Variants in ABCG2 observed in about 807,000 individuals in gnomAD.
ABCG2 encodes the protein broad substrate specificity ATP-binding cassette transporter ABCG2.
A neutral mutation model predicts 73.5 loss-of-function variants in ABCG2; 80 were observed. That is an observed-to-expected ratio of 1.09 (90% confidence interval 0.91 to 1.31). The LOEUF (loss-of-function observed/expected upper bound fraction) is 1.31, where lower values mean the gene tolerates loss of function less well. Ranked by LOEUF, ABCG2 falls within the 50% of genes most tolerant of loss-of-function variation. The pLI is 0.00. For missense variants in ABCG2, 796 were observed against 786.2 expected (o/e 1.01, Z -0.15); for synonymous variants, 269 against 282.4 (o/e 0.95, Z 0.48).
At chr4:88,138,242 A>T (rs1175496132) in intron 2 of ABCG2, among the ~76,000 whole-genome samples, 1 of 152,222 alleles carries the variant, frequency 6.6e-6, no homozygotes, top group Non-Finnish European at 1.5e-5. Flanking sequence ...ATAACAGGAC[A>T]TCCACATATC....
At chr4:88,202,012 T>G (rs930358503) in intron 1 of ABCG2, among the ~76,000 whole-genome samples, 21 of 152,080 alleles carry the variant, frequency 1.4e-4, no homozygotes, top group African/African-American at 4.6e-4. Context: ...GCTTTGGGAT[T>G]TTTTAAAGCT....
At chr4:88,210,829 T>C (rs993468226) in intron 1 of ABCG2, among the ~76,000 whole-genome samples, 15 of 152,168 alleles carry the variant, frequency 9.9e-5, no homozygotes, top group Admixed American at 9.8e-4. Flanking sequence ...CCCAAAATGC[T>C]GGAATGACAG....
intron 5 of ABCG2, among the ~76,000 whole-genome samples, chr4:88,130,366 C>T (rs966275199): frequency 5.3e-5 from 8 of 151,486 alleles, no homozygotes; most frequent in Non-Finnish European, 1.2e-4. Context: ...GATGTGTCAC[C>T]GTTTCCCATC....
chr4:88,210,619 A>T (rs1285237765), intron 1 of ABCG2, among the ~76,000 whole-genome samples: 9 of 146,916 alleles, frequency 6.1e-5, no homozygotes, highest in African/African-American at 1.5e-4. Flanking sequence ...AAGAGATGGG[A>T]TCTTGCTCTG....
chr4:88,156,891 G>T (rs980807431), intron 1 of ABCG2, among the ~76,000 whole-genome samples: 1 of 152,110 alleles, frequency 6.6e-6, no homozygotes, highest in Admixed American at 6.5e-5. Context: ...GATCACTAGA[G>T]GTCAGGAGTT....
intron 11 of ABCG2, among the ~76,000 whole-genome samples, chr4:88,100,337 T>G (rs1387245184): frequency 1.3e-5 from 2 of 151,728 alleles, no homozygotes; most frequent in Non-Finnish European, 2.9e-5. Context: ...CCATCTCTAC[T>G]AAAAATACCA....
chr4:88,127,667 C>T (rs559503829), intron 5 of ABCG2, among the ~76,000 whole-genome samples: 18 of 152,080 alleles, frequency 1.2e-4, no homozygotes, highest in Admixed American at 2.6e-4. Flanking sequence ...AAACAAGCAA[C>T]GGGGAAAGGA....
At chr4:88,106,967 G>A (rs910405935) in intron 10 of ABCG2, among the ~76,000 whole-genome samples, 4 of 152,122 alleles carry the variant, frequency 2.6e-5, no homozygotes, top group East Asian at 1.9e-4. Flanking sequence ...GCTTGAACCC[G>A]GGAGGCGGAG....
intron 9 of ABCG2, 150 bp from the exon 10 acceptor site, chr4:88,107,416 G>T: frequency 1.8e-6 from 1 of 569,454 alleles, no homozygotes; most frequent in Non-Finnish European, 3.0e-6. Context: ...GTCCCTGGGA[G>T]AAAATAAAAC....
At chr4:88,114,342 C>T (rs1362680358) in intron 8 of ABCG2, among the ~76,000 whole-genome samples, 3 of 151,934 alleles carry the variant, frequency 2.0e-5, no homozygotes, top group South Asian at 2.1e-4. Context: ...AAATTCTGGT[C>T]GTGGCCAGGG....
chr4:88,181,955 C>T (rs1728273602), intron 1 of ABCG2, among the ~76,000 whole-genome samples: 1 of 151,624 alleles, frequency 6.6e-6, no homozygotes, highest in Admixed American at 6.6e-5. Context: ...TGTAAATGGA[C>T]CAAATTCTCC....
chr4:88,131,839 A>G lies in ABCG2; in HGVS notation c.342T>C (p.Pro114=). 1 of 1,613,794 alleles carries G rather than the reference A, an allele frequency of 6.2e-7. No homozygotes were observed. The highest frequency in any genetic ancestry group is 8.5e-7 in the Non-Finnish European group (1 of 1,179,942). ...GDVLINGAPR[P]ANFKCNSGYV... Reference sequence around the variant, plus strand: ...AACCTGAATTACATTTGAAATTGGCAGGTCGCGGTGCTCCATTTATCAGAA... The same window carrying G: ...AACCTGAATTACATTTGAAATTGGCGGGTCGCGGTGCTCCATTTATCAGAA... Residue 114 remains proline, a synonymous_variant, in exon 4 of 16, where the codon CCT becomes CCC. Coordinates refer to ENST00000237612, the MANE Select transcript of ABCG2 (RefSeq NM_004827.3).
At chr4:88,166,746 T>TTTTGTTGGGTG (rs1727537633) in intron 1 of ABCG2, among the ~76,000 whole-genome samples, 1 of 152,070 alleles carries the variant, frequency 6.6e-6, no homozygotes, top group Non-Finnish European at 1.5e-5. Flanking sequence ...GGTAAGGCAA[T>TTTTGTTGGGTG]AGAAAGATGA....
At position 88,101,315 on chromosome 4, in the gene ABCG2, C is replaced by T; in HGVS notation, c.1282G>A (p.Gly428Arg). The T allele has an allele frequency of 1.2e-6, 2 of 1,614,088 alleles. No individual in the cohort carries two copies. Among genetic ancestry groups the T allele is most frequent in the Non-Finnish European group, 8.5e-7 (1 of 1,179,972 alleles). ...TTGGTCGTCAGGAAGAAGAGAACCC[C>T]AGCTCTGCCATGAAAAGGGGAACCA... ...NDSTGIQNRA[G>R]VLFFLTTNQC... The change falls in exon 11 of 16, where the codon GGG (glycine) becomes AGG (arginine). Residue 428 changes from glycine (G) to arginine (R), a missense_variant. Physicochemically the swap from Gly to Arg is moderately radical, Grantham distance 125. Transcript: ENST00000237612.
rs56029010 is a variant in ABCG2 at position 88,156,370 on chromosome 4, C to CAAAAA, written c.-20+2011_-20+2015dup. ...AGCCTGGGCGACAAAGACTCCGTCT[C>CAAAAA]AAAAAAAAAAAAAAAAAAAAAAGAA... is the stretch of plus-strand genomic sequence containing the variant. On this transcript the variant is annotated intron_variant, in intron 1 of 15. Coordinates refer to ENST00000237612, the MANE Select transcript of ABCG2 (RefSeq NM_004827.3). Among the ~76,000 whole-genome samples the CAAAAA allele has an allele frequency of 1.3e-3, 88 of 68,456 alleles. 1 individual carries two copies. The highest frequency in any genetic ancestry group is 3.3e-3 in the South Asian group (5 of 1,532). 44.9% of individuals were successfully genotyped at this position (68,456 alleles called of 152,430 possible). A position where few individuals can be genotyped will look rare whatever the true frequency, so the allele number is the denominator to read the frequency against.
chr4:88,189,653 A>C (rs1728603752), intron 1 of ABCG2, among the ~76,000 whole-genome samples: 1 of 152,184 alleles, frequency 6.6e-6, no homozygotes, highest in Non-Finnish European at 1.5e-5. Context: ...GGAATCTTTA[A>C]GGTTTTCAAC....
intron 1 of ABCG2, among the ~76,000 whole-genome samples, chr4:88,174,554 A>T (rs980308355): frequency 1.3e-5 from 2 of 152,104 alleles, no homozygotes; most frequent in African/African-American, 4.8e-5. Flanking sequence ...ACGCCCAGGT[A>T]ATTTTGTAAT....
At chr4:88,199,490 T>C (rs962514340) in intron 1 of ABCG2, among the ~76,000 whole-genome samples, 3 of 152,074 alleles carry the variant, frequency 2.0e-5, no homozygotes, top group African/African-American at 7.2e-5. Flanking sequence ...GAAACAAAGA[T>C]AAGAATTACA....
Position 88,113,322 on chromosome 4 carries a change from G to A in ABCG2, c.1175C>T (p.Pro392Leu). ...KRSFKNLLGN[P>L]QASIAQIIVT... ...GGTTACCTGAGCTATAGAGGCCTGG[G>A]GATTACCCAGCAAGTTTTTGAATGA... Residue 392 changes from proline (P) to leucine (L), a missense_variant, in exon 9 of 16, where the codon CCC (proline) becomes CTC (leucine). Pro to Leu is a moderately conservative substitution (Grantham distance 98). Transcript: ENST00000237612. The A allele has an allele frequency of 6.2e-7, 1 of 1,614,052 alleles. No individual in the cohort carries two copies. The highest frequency in any genetic ancestry group is 2.2e-5 in the East Asian group (1 of 44,874).
Sources: gnomAD v4.1 joint callset for allele counts (sites outside exome capture counted in the v4.1 genomes callset) on GRCh38, gnomAD v4.1.1 for gene constraint, MANE v1.5 for transcripts, NCBI Gene and HGNC (gene_info 2026-07-23, HGNC 2026-07-21) for gene names.